TOPBP1: variants seen among roughly 807,000 people sequenced by gnomAD.
TOPBP1 encodes the protein DNA topoisomerase 2-binding protein 1.
A neutral mutation model predicts 167.7 loss-of-function variants in TOPBP1; 28 were observed. The observed-to-expected ratio is 0.17, with a 90% CI of 0.12 to 0.23. The LOEUF (loss-of-function observed/expected upper bound fraction) is 0.23. Among genes scored for constraint, TOPBP1 ranks in the 10% least tolerant of loss-of-function variants. The pLI is 1.00. For missense variants in TOPBP1, 1,554 were observed against 1,809.6 expected (o/e 0.86, Z 2.56); for synonymous variants, 598 against 611.4 (o/e 0.98, Z 0.32).
rs748900235 is a variant in TOPBP1, at chr3:133,643,421, G to A, written c.1849-49C>T. ...AAAGCCAACCTGAAATAAGCAACCA[G>A]TGGTTAACACTGGTTCAGGTACAGA... On this transcript the variant is annotated intron_variant, in intron 11 of 27. Coordinates refer to ENST00000260810, the MANE Select transcript of TOPBP1 (RefSeq NM_007027.4). The A allele has an allele frequency of 1.1e-5, 17 of 1,496,058 alleles. 1 individual carries two copies. In the South Asian group the frequency reaches 2.2e-4, roughly 19 times the overall value. 92.7% of individuals were successfully genotyped at this position (1,496,058 alleles called of 1,614,324 possible).
At chr3:133,642,431 T>C (rs904483028) in intron 12 of TOPBP1, among the ~76,000 whole-genome samples, 2 of 152,234 alleles carry the variant, frequency 1.3e-5, no homozygotes, top group African/African-American at 4.8e-5. Context: ...TTAATATATA[T>C]TCATTGAAGA....
rs917200270 is a variant in TOPBP1, at chr3:133,628,828, A to G, written c.2521-95T>C. On this transcript the variant is annotated intron_variant, in intron 14 of 27. Coordinates refer to ENST00000260810, the MANE Select transcript of TOPBP1 (RefSeq NM_007027.4). ...GGACAGGAAAAAGAAAGAGGAGGAG[A>G]GAGGGGTAAAGAGAGAGAAGGGGGA... is the stretch of plus-strand genomic sequence containing the variant. The G allele has an allele frequency of 2.2e-5, 28 of 1,247,060 alleles. No homozygotes were observed. The African/African-American group carries it at 2.3e-4, about 10-fold the overall frequency. 77.2% of individuals were successfully genotyped at this position (1,247,060 alleles called of 1,614,324 possible).
At chr3:133,620,577 T>A (rs569650547) in intron 19 of TOPBP1, among the ~76,000 whole-genome samples, 3 of 76,552 alleles carry the variant, frequency 3.9e-5, no homozygotes, top group Admixed American at 2.4e-4. Flanking sequence ...CTTCAAATAC[T>A]TTTTTTTTTT....
chr3:133,632,999 C>G (rs1309070975), intron 14 of TOPBP1, among the ~76,000 whole-genome samples: 1 of 152,146 alleles, frequency 6.6e-6, no homozygotes, highest in African/African-American at 2.4e-5. Flanking sequence ...TCTTGAAATC[C>G]TGGACTCAAG....
chr3:133,619,518 A>G (rs1368099677), intron 20 of TOPBP1, among the ~76,000 whole-genome samples: 1 of 152,208 alleles, frequency 6.6e-6, no homozygotes, highest in South Asian at 2.1e-4. Flanking sequence ...ATCACACTAG[A>G]AACTGTAATC....
intron 23 of TOPBP1, among the ~76,000 whole-genome samples, chr3:133,614,244 C>T (rs1001724755): frequency 2.0e-5 from 3 of 152,138 alleles, no homozygotes; most frequent in African/African-American, 7.2e-5. Context: ...TTCTCACAAC[C>T]ATATGAAGGA....
intron 14 of TOPBP1, among the ~76,000 whole-genome samples, chr3:133,633,142 T>C (rs1044752855): frequency 5.9e-5 from 9 of 152,182 alleles, no homozygotes; most frequent in African/African-American, 2.2e-4. Flanking sequence ...CAACTCCATT[T>C]CTTGGCTCCC....
intron 9 of TOPBP1, 56 bp from the exon 10 acceptor site, chr3:133,649,689 A>G (rs970770311): frequency 1.3e-6 from 2 of 1,597,186 alleles, no homozygotes; most frequent in Non-Finnish European, 1.7e-6. Flanking sequence ...CCATCATCCC[A>G]CTTGTCATGC....
At chr3:133,629,530 G>A (rs1276881308) in intron 14 of TOPBP1, among the ~76,000 whole-genome samples, 2 of 152,088 alleles carry the variant, frequency 1.3e-5, no homozygotes, top group East Asian at 1.9e-4. Context: ...GTTTTGAGAC[G>A]AGTCTGGGAA....
At position 133,610,635 on chromosome 3, in the gene TOPBP1, TTA is replaced by T. The variant is rs759919330; in HGVS notation, c.4173+367_4173+368del. 5.2e-5 allele frequency among the ~76,000 whole-genome samples: 7 copies of T among 135,756 alleles called. 1 individual carries two copies. The highest frequency in any genetic ancestry group is 2.0e-4 in the East Asian group (1 of 5,064). 89.1% of individuals were successfully genotyped at this position (135,756 alleles called of 152,430 possible). ...AAGCATGATGTAGGCTGATTAAAAT[TTA>T]AAAAAAAAAAAAAAAAAGACCGGAA... On this transcript the variant is annotated intron_variant, in intron 25 of 27. Transcript: ENST00000260810.
At chr3:133,605,580 A>T (rs999916387) in intron 27 of TOPBP1, among the ~76,000 whole-genome samples, 12 of 152,276 alleles carry the variant, frequency 7.9e-5, no homozygotes, top group Non-Finnish European at 1.5e-4. Context: ...AGTTAACCCC[A>T]ATTAATGATG....
chr3:133,623,256 A>G (rs1935155918), intron 18 of TOPBP1, 55 bp downstream of exon 18: 1 of 1,612,074 alleles, frequency 6.2e-7, no homozygotes, highest in African/African-American at 1.3e-5. Context: ...TCATAGCAAT[A>G]TATGATTATA....
chr3:133,619,672 T>C (rs571329438), intron 20 of TOPBP1, among the ~76,000 whole-genome samples: 2 of 152,378 alleles, frequency 1.3e-5, no homozygotes, highest in African/African-American at 2.4e-5. Context: ...ACAAATACTA[T>C]TGAATACTAA....
chr3:133,639,756 G>A (rs891326888), intron 13 of TOPBP1, among the ~76,000 whole-genome samples: 1 of 152,092 alleles, frequency 6.6e-6, no homozygotes, highest in Non-Finnish European at 1.5e-5. Flanking sequence ...ATTATATAGT[G>A]TGTTACTATG....
At chr3:133,617,631 A>T (rs1934944057) in intron 21 of TOPBP1, 1 of 209,240 alleles carries the variant, frequency 4.8e-6, no homozygotes, top group South Asian at 1.5e-4. Flanking sequence ...GTGTAACCCA[A>T]ATTTGTAACA....
At chr3:133,628,760 T>A (rs62282419) in intron 14 of TOPBP1, 27 bp from the exon 15 acceptor site, 1 of 1,535,890 alleles carries the variant, frequency 6.5e-7, no homozygotes. Flanking sequence ...GAGAGAGAGA[T>A]GGAGAAAAGA....
Position 133,603,693 on chromosome 3 carries a change from G to GACT in TOPBP1, c.4426-2301_4426-2300insAGT, listed in dbSNP as rs1290448170. Among the ~76,000 whole-genome samples the GACT allele has an allele frequency of 6.4e-4, 95 of 148,934 alleles. 3 individuals carry two copies. The highest frequency in any genetic ancestry group is 3.6e-3 in the Middle Eastern group (1 of 278). On this transcript the variant is annotated intron_variant, in intron 27 of 27. Coordinates refer to ENST00000260810, the MANE Select transcript of TOPBP1 (RefSeq NM_007027.4). The stretch of plus-strand genomic sequence containing the variant: ...TAGCAACAAAGTTTGAAATAAATGG[G>GACT]GTAAAAGCTGACAAAATTAAAGAGA...
intron 14 of TOPBP1, among the ~76,000 whole-genome samples, chr3:133,636,442 T>C (rs1262416999): frequency 1.3e-5 from 2 of 151,994 alleles, no homozygotes; most frequent in Non-Finnish European, 2.9e-5. Flanking sequence ...AGCATTATAA[T>C]GCTTATAAGA....
chr3:133,660,724 G>C (rs1172260760), intron 2 of TOPBP1, among the ~76,000 whole-genome samples: 1 of 152,104 alleles, frequency 6.6e-6, no homozygotes, highest in African/African-American at 2.4e-5. Flanking sequence ...AGTATGACCA[G>C]TACACAACTG....
Sources: gnomAD v4.1 joint callset for allele counts (sites outside exome capture counted in the v4.1 genomes callset) on GRCh38, gnomAD v4.1.1 for gene constraint, MANE v1.5 for transcripts, NCBI Gene and HGNC (gene_info 2026-07-23, HGNC 2026-07-21) for gene names.